DNAI4: variants seen among roughly 807,000 people sequenced by gnomAD.
The protein encoded by DNAI4 is dynein axonemal intermediate chain 4.
Under a neutral mutation model 105.8 loss-of-function variants are expected in DNAI4, and 85 were observed. The observed-to-expected ratio is 0.80, with a 90% CI of 0.67 to 0.96. DNAI4 has a LOEUF of 0.96. DNAI4 is among the 40% of genes least tolerant of loss of function. The pLI, the probability that DNAI4 is intolerant of heterozygous loss-of-function variation, is 0.00. For synonymous variants in DNAI4, 352 were observed against 331.5 expected, an observed-to-expected ratio of 1.06 and a Z score of -0.67; for missense variants, 1,014 against 1,005.6, an observed-to-expected ratio of 1.01 and a Z score of -0.11.
intron 1 of DNAI4, among the ~76,000 whole-genome samples, chr1:66,924,118 A>T (rs9660023): frequency 0.049 from 7,417 of 152,298 alleles, 567 homozygotes; most frequent in African/African-American, 0.17. Context: ...AAGTGCTAGA[A>T]CGATGGTTCT....
At chr1:66,835,536 C>A in intron 11 of DNAI4, 90 bp downstream of exon 11, 3 of 1,371,314 alleles carry the variant, frequency 2.2e-6, no homozygotes, top group Non-Finnish European at 2.0e-6. Flanking sequence ...TCAGTAACAA[C>A]AAAAATATTT....
Position 66,874,802 on chromosome 1 carries a change from G to T in DNAI4, c.779C>A (p.Ser260Tyr), listed in dbSNP as rs1016357228. The change falls in exon 5 of 17, where the codon TCT (serine) becomes TAT (tyrosine). Residue 260 changes from serine to tyrosine, a missense_variant. Coordinates refer to ENST00000371026, the MANE Select transcript of DNAI4 (RefSeq NM_024763.5). Reference sequence around the variant, plus strand: ...ATACGTTACTTTCTCAGCTTCTTCAGATTCTACAGAGACCATGACTGTGGG... The same window carrying T: ...ATACGTTACTTTCTCAGCTTCTTCATATTCTACAGAGACCATGACTGTGGG... ...DLPTVMVSVE[S>Y]EEAEKVTQRN... is the part of the protein sequence containing the mutation. 8 of 1,609,986 alleles carry T rather than the reference G, an allele frequency of 5.0e-6. No homozygotes were observed. In the East Asian group the frequency reaches 1.8e-4, roughly 36 times the overall value.
At chr1:66,848,488 G>T (rs1397069689) in intron 7 of DNAI4, among the ~76,000 whole-genome samples, 1 of 152,122 alleles carries the variant, frequency 6.6e-6, no homozygotes, top group East Asian at 1.9e-4. Context: ...ACAAATTTCT[G>T]GGACTATTGT....
intron 1 of DNAI4, among the ~76,000 whole-genome samples, chr1:66,920,495 A>G (rs545884839): frequency 2.6e-4 from 39 of 152,204 alleles, no homozygotes; most frequent in East Asian, 2.5e-3. Context: ...AGGGCACTAT[A>G]ACACCTCCTC....
chr1:66,836,202 AAGAAAGAGAGAG>A (rs1182395830), intron 10 of DNAI4, among the ~76,000 whole-genome samples: 21 of 50,962 alleles, frequency 4.1e-4, no homozygotes, highest in African/African-American at 6.9e-4. Context: ...GAAAGAAAGA[AAGAAAGAGAGAG>A]AGAGAGAGAG....
At chr1:66,902,230 TTTTG>T (rs527922911) in intron 2 of DNAI4, among the ~76,000 whole-genome samples, 42 of 152,226 alleles carry the variant, frequency 2.8e-4, no homozygotes, top group Non-Finnish European at 4.4e-4. Flanking sequence ...ACTTATTTTG[TTTTG>T]TTTTTTTTAA....
At chr1:66,920,727 C>T (rs1650423352) in intron 1 of DNAI4, among the ~76,000 whole-genome samples, 1 of 152,152 alleles carries the variant, frequency 6.6e-6, no homozygotes, top group Non-Finnish European at 1.5e-5. Flanking sequence ...TCCTGCTTCA[C>T]CACCATATCT....
intron 7 of DNAI4, among the ~76,000 whole-genome samples, chr1:66,854,040 A>T (rs1251525943): frequency 6.6e-6 from 1 of 152,254 alleles, no homozygotes; most frequent in Non-Finnish European, 1.5e-5. Flanking sequence ...CAAGAAAAAC[A>T]TAGAAGAATC....
intron 7 of DNAI4, chr1:66,848,279 C>T (rs765842355): frequency 2.2e-6 from 1 of 456,150 alleles, no homozygotes; most frequent in South Asian, 1.5e-5. Flanking sequence ...CGCTGACCTT[C>T]TTCTGTCATC....
Position 66,904,305 on chromosome 1 carries a change from T to C in DNAI4, c.345+896A>G, listed in dbSNP as rs1190711634. Among the ~76,000 whole-genome samples the C allele has an allele frequency of 2.6e-5, 4 of 152,284 alleles. No individual in the cohort carries two copies. In the East Asian group the frequency reaches 7.7e-4, roughly 29 times the overall value. Reference sequence around the variant, plus strand: ...TTTAATAAGTTGACAAATAATTGTTTTCTATTTTCCATGTCTACCAGCCAT... The same window carrying C: ...TTTAATAAGTTGACAAATAATTGTTCTCTATTTTCCATGTCTACCAGCCAT... On this transcript the variant is annotated intron_variant, in intron 2 of 16. Coordinates refer to ENST00000371026, the MANE Select transcript of DNAI4 (RefSeq NM_024763.5).
chr1:66,884,653 G>C (rs1000051306), intron 4 of DNAI4, among the ~76,000 whole-genome samples: 4 of 152,126 alleles, frequency 2.6e-5, no homozygotes, highest in African/African-American at 9.7e-5. Flanking sequence ...TTGCATCCAT[G>C]TTCATCAAGG....
At chr1:66,879,658 G>A (rs1232704423) in intron 4 of DNAI4, among the ~76,000 whole-genome samples, 1 of 152,204 alleles carries the variant, frequency 6.6e-6, no homozygotes, top group Admixed American at 6.5e-5. Flanking sequence ...AGCAAGGAAT[G>A]AGAGTTCCTA....
intron 7 of DNAI4, among the ~76,000 whole-genome samples, chr1:66,849,849 C>T (rs1176461318): frequency 6.6e-6 from 1 of 151,832 alleles, no homozygotes; most frequent in African/African-American, 2.4e-5. Context: ...GAAGAGAGAA[C>T]AATGGAAATA....
chr1:66,909,471 C>T (rs1038169089), intron 1 of DNAI4, among the ~76,000 whole-genome samples: 2 of 151,658 alleles, frequency 1.3e-5, no homozygotes, highest in African/African-American at 4.8e-5. Context: ...TTTGACCCAG[C>T]TGTTTATTCT....
intron 6 of DNAI4, among the ~76,000 whole-genome samples, chr1:66,866,346 A>G (rs543676099): frequency 6.6e-6 from 1 of 152,208 alleles, no homozygotes; most frequent in South Asian, 2.1e-4. Context: ...AATGCAAGCT[A>G]GATGCAGAAA....
chr1:66,836,140 A>AAAAAGAAAG (rs1645983127), intron 10 of DNAI4, among the ~76,000 whole-genome samples: 1 of 96,008 alleles, frequency 1.0e-5, no homozygotes, highest in Admixed American at 1.2e-4. Flanking sequence ...AGAAAGAAAG[A>AAAAAGAAAG]AAAGAAAGAA....
At chr1:66,913,418 G>A (rs1338196874) in intron 1 of DNAI4, among the ~76,000 whole-genome samples, 1 of 152,086 alleles carries the variant, frequency 6.6e-6, no homozygotes, top group Non-Finnish European at 1.5e-5. Context: ...TTTGGATGAG[G>A]AACTGAACTG....
chr1:66,898,922 A>T (rs1648567840), intron 2 of DNAI4, among the ~76,000 whole-genome samples: 1 of 152,134 alleles, frequency 6.6e-6, no homozygotes, highest in African/African-American at 2.4e-5. Context: ...TATTTTCAAG[A>T]TTCATGCATC....
At chr1:66,887,194 G>A (rs564456202) in intron 4 of DNAI4, among the ~76,000 whole-genome samples, 4 of 152,250 alleles carry the variant, frequency 2.6e-5, no homozygotes, top group African/African-American at 9.6e-5. Context: ...AAAATACTCA[G>A]CCTCCAGCAA....
Sources: gnomAD v4.1 joint callset for allele counts (sites outside exome capture counted in the v4.1 genomes callset) on GRCh38, gnomAD v4.1.1 for gene constraint, MANE v1.5 for transcripts, NCBI Gene and HGNC (gene_info 2026-07-23, HGNC 2026-07-21) for gene names.